Variants in CDK1 observed in about 807,000 individuals in gnomAD.
CDK1 encodes cyclin dependent kinase 1.
CDK1 carries 5 observed loss-of-function variants against 34.6 expected under a neutral mutation model. The ratio of observed to expected loss-of-function variants is 0.14; its 90% confidence interval spans 0.08 to 0.30. The LOEUF (loss-of-function observed/expected upper bound fraction) is 0.30. Among genes scored for constraint, CDK1 ranks in the 10% least tolerant of loss-of-function variants. CDK1 has a pLI of 1.00. For synonymous variants in CDK1, 108 were observed against 114.7 expected (o/e 0.94, Z 0.37); for missense variants, 157 against 345.7 (o/e 0.45, Z 4.33).
Position 60,789,107 on chromosome 10 carries a change from AT to A in CDK1, c.489+883del, listed in dbSNP as rs3213061. 8.8e-3 allele frequency among the ~76,000 whole-genome samples: 1,335 copies of A among 152,172 alleles called. 22 individuals are homozygous for A. Among genetic ancestry groups the A allele is most frequent in the African/African-American group, 0.03 (1,256 of 41,528 alleles). The stretch of plus-strand genomic sequence containing the variant: ...ACGTTTTTTAAATAATTTAAAAATC[AT>A]TTTTTATCGACGCATTATTATACAT... On this transcript the variant is annotated intron_variant, in intron 5 of 7. Transcript: ENST00000395284.
At chr10:60,787,052 T>A (rs1247762005) in intron 4 of CDK1, 3 of 984,660 alleles carry the variant, frequency 3.0e-6, no homozygotes, top group African/African-American at 1.7e-5. Context: ...GGATACAGAT[T>A]CTGCTTTATC....
intron 7 of CDK1, 122 bp downstream of exon 7, chr10:60,792,411 C>A: frequency 1.2e-6 from 1 of 815,930 alleles, no homozygotes; most frequent in Non-Finnish European, 1.9e-6. Context: ...CTGTTATGTA[C>A]ATTGTATTAT....
At chr10:60,786,843 G>A (rs1456922668) in intron 4 of CDK1, 4 of 964,178 alleles carry the variant, frequency 4.1e-6, no homozygotes, top group South Asian at 4.8e-5. Flanking sequence ...ATTTTCGTTA[G>A]GATACGTTCT....
Position 60,792,131 on chromosome 10 carries a change from A to T in CDK1, c.654-17A>T, listed in dbSNP as rs2456777. 1 of 1,597,734 alleles carries T rather than the reference A, an allele frequency of 6.3e-7. No individual in the cohort carries two copies. ...TACATTTATGCTTTAAGAAATTTTT[A>T]ATTTCCTGTTTTTTAGAGCTTTGGG... On this transcript the variant is annotated splice_polypyrimidine_tract_variant and intron_variant, in intron 6 of 7. Coordinates refer to ENST00000395284, the MANE Select transcript of CDK1 (RefSeq NM_001786.5).
At chr10:60,791,862 T>C (rs1370899879) in intron 5 of CDK1, 28 bp from the exon 6 acceptor site, 16 of 1,399,998 alleles carry the variant, frequency 1.1e-5, no homozygotes, top group African/African-American at 1.4e-5. Flanking sequence ...ACCACATTTA[T>C]TCATTGTAAA....
intron 2 of CDK1, among the ~76,000 whole-genome samples, chr10:60,781,665 G>T (rs573843850): frequency 4.1e-4 from 63 of 152,166 alleles, no homozygotes; most frequent in African/African-American, 1.5e-3. Context: ...TTTCTTTGAT[G>T]TCCTCAAATG....
chr10:60,783,769 T>C (rs2080292163), intron 2 of CDK1, among the ~76,000 whole-genome samples: 1 of 152,194 alleles, frequency 6.6e-6, no homozygotes, highest in South Asian at 2.1e-4. Flanking sequence ...TTATAATTGA[T>C]ATTGTTGCTC....
intron 4 of CDK1, 65 bp from the exon 5 acceptor site, chr10:60,787,995 G>T: frequency 1.2e-6 from 1 of 844,658 alleles, no homozygotes; most frequent in South Asian, 3.4e-5. Flanking sequence ...TTTTGTCTTT[G>T]AAACAGATTA....
intron 1 of CDK1, among the ~76,000 whole-genome samples, chr10:60,778,951 C>G (rs961440194): frequency 6.6e-6 from 1 of 152,012 alleles, no homozygotes; most frequent in African/African-American, 2.4e-5. Context: ...TTCCTGGGCC[C>G]GGCCCCTGCG....
intron 7 of CDK1, among the ~76,000 whole-genome samples, chr10:60,793,441 T>C (rs1326057977): frequency 6.6e-6 from 1 of 152,046 alleles, no homozygotes; most frequent in Non-Finnish European, 1.5e-5. Flanking sequence ...TTATAACACA[T>C]TGTGCTATGG....
rs2132068256 is a variant in CDK1, at chr10:60,785,818, A to G, written c.318+31A>G. 3.2e-6 allele frequency: 5 copies of G among 1,560,546 alleles called. No homozygotes were observed. The East Asian group carries it at 1.1e-4, about 35-fold the overall frequency. On this transcript the variant is annotated intron_variant, in intron 4 of 7. Coordinates refer to ENST00000395284, the MANE Select transcript of CDK1 (RefSeq NM_001786.5). ...AGCTTAACTAATTTTATTAATATTT[A>G]TGCACTGTGGATATAAAGGGACTAT... is the stretch of plus-strand genomic sequence containing the variant.
At chr10:60,780,415 C>A (rs541586638) in intron 2 of CDK1, among the ~76,000 whole-genome samples, 285 of 152,244 alleles carry the variant, frequency 1.9e-3, no homozygotes, top group Non-Finnish European at 3.3e-3. Flanking sequence ...CCGTTCGCCT[C>A]ACCCCCATAG....
intron 2 of CDK1, among the ~76,000 whole-genome samples, chr10:60,781,192 T>C (rs1379651658): frequency 6.6e-6 from 1 of 152,180 alleles, no homozygotes; most frequent in Non-Finnish European, 1.5e-5. Context: ...TTTGTGTTGG[T>C]TTTAGTTTGG....
rs1028428192 is a variant in CDK1, at chr10:60,794,555, G to A, written c.*580G>A. 2 of 152,120 alleles carry A rather than the reference G, an allele frequency of 1.3e-5. No individual in the cohort carries two copies. The highest frequency in any genetic ancestry group is 4.8e-5 in the African/African-American group (2 of 41,432). 9.4% of individuals were successfully genotyped at this position (152,120 alleles called of 1,614,324 possible). A position where few individuals can be genotyped will look rare whatever the true frequency, so the allele number is the denominator to read the frequency against. Reference sequence around the variant, plus strand: ...TCAGTAACTTAAAAAGCTAACATGAGAGCATGCCAAAATTTGCTAAGTCTT... The same window carrying A: ...TCAGTAACTTAAAAAGCTAACATGAAAGCATGCCAAAATTTGCTAAGTCTT... On this transcript the variant is annotated 3_prime_UTR_variant, in exon 8 of 8. Transcript: ENST00000395284.
intron 5 of CDK1, among the ~76,000 whole-genome samples, chr10:60,791,266 G>T (rs935021436): frequency 6.6e-6 from 1 of 151,734 alleles, no homozygotes; most frequent in African/African-American, 2.4e-5. Flanking sequence ...TAGGTTTTTT[G>T]TACCTATTGT....
chr10:60,792,401 C>T, intron 7 of CDK1, 112 bp downstream of exon 7: 2 of 904,004 alleles, frequency 2.2e-6, no homozygotes, highest in Non-Finnish European at 3.4e-6. Flanking sequence ...AGCTAGGTGT[C>T]TGTTATGTAC....
rs1050249481 is a variant in CDK1 at position 60,793,453 on chromosome 10, G to T, written c.796-424G>T. ...TTTTTATAACACATTGTGCTATGGG[G>T]GGTTTTGGAACTTGCTGGAAGCTAC... On this transcript the variant is annotated intron_variant, in intron 7 of 7. Transcript: ENST00000395284. Among the ~76,000 whole-genome samples the T allele has an allele frequency of 6.6e-5, 10 of 152,126 alleles. 1 individual carries two copies. In the South Asian group the frequency reaches 2.1e-3, roughly 32 times the overall value.
At chr10:60,792,317 CAAATT>C (rs1052861235) in intron 7 of CDK1, 28 bp downstream of exon 7, 1 of 1,564,090 alleles carries the variant, frequency 6.4e-7, no homozygotes, top group Admixed American at 2.1e-5. Context: ...TACTGACTTT[CAAATT>C]ATTGATGATT....
At chr10:60,781,747 T>TG (rs2080274994) in intron 2 of CDK1, among the ~76,000 whole-genome samples, 1 of 152,160 alleles carries the variant, frequency 6.6e-6, no homozygotes, top group Admixed American at 6.5e-5. Context: ...TCTACTGGCT[T>TG]CATTTTTTAT....
Sources: allele counts gnomAD v4.1 joint callset (sites outside exome capture counted in the v4.1 genomes callset), GRCh38; gene constraint gnomAD v4.1.1; transcripts MANE v1.5; gene names NCBI Gene and HGNC (gene_info 2026-07-23, HGNC 2026-07-21).